The following NKTR variants were observed in gnomAD, a reference collection of about 807,000 sequenced individuals.
NKTR encodes natural killer cell triggering receptor.
In NKTR, 67 loss-of-function variants were observed where a neutral mutation model predicts 156.3. That is an observed-to-expected ratio of 0.43 (90% CI 0.35 to 0.53). The LOEUF is 0.53. NKTR is among the 20% of genes least tolerant of loss of function. The pLI is 0.01. For synonymous variants in NKTR, 640 were observed against 596.6 expected, an observed-to-expected ratio of 1.07 and a Z score of -1.06; for missense variants, 1,604 against 1,730.9, an observed-to-expected ratio of 0.93 and a Z score of 1.30.
chr3:42,608,883 T>C (rs1387721923), intron 2 of NKTR, among the ~76,000 whole-genome samples: 2 of 152,126 alleles, frequency 1.3e-5, no homozygotes, highest in African/African-American at 2.4e-5. Flanking sequence ...CCCAGCACTT[T>C]GGGAGGCCGA....
chr3:42,642,497 G>A lies in NKTR; in HGVS notation c.4047-4G>A, dbSNP rs1226936960. 1 of 1,606,028 alleles carries A rather than the reference G, an allele frequency of 6.2e-7. No homozygotes were observed. The highest frequency in any genetic ancestry group is 2.2e-5 in the East Asian group (1 of 44,830). ...ATATATTTTTTCAATTGCTTTAATT[G>A]TAGATCAAGAAGCTACTCTAGAAGT... On this transcript the variant is annotated splice_polypyrimidine_tract_variant and splice_region_variant and intron_variant, in intron 13 of 16. Transcript: ENST00000232978.
chr3:42,628,102 C>T (rs970677766), intron 6 of NKTR: 16 of 985,218 alleles, frequency 1.6e-5, no homozygotes, highest in Non-Finnish European at 1.9e-5. Flanking sequence ...GTTGAGAACC[C>T]CAGAGGGCTT....
In NKTR at chr3:42,638,924, A is replaced by G. The variant is rs756469396; in HGVS notation, c.3220A>G (p.Thr1074Ala). The change falls in exon 13 of 17, where the codon ACT becomes GCT. Residue 1074 changes from threonine to alanine, a missense_variant. By Grantham distance (58) the Thr-to-Ala change is moderately conservative. Coordinates refer to ENST00000232978, the MANE Select transcript of NKTR (RefSeq NM_005385.4). ...EDLSGKHDTV[T>A]VSSDLDQFTK... ...CCTTTCAGGTAAACATGATACAGTG[A>G]CTGTTTCATCAGATCTTGATCAGTT... 1.2e-6 allele frequency: 2 copies of G among 1,612,776 alleles called. No homozygotes were observed. The highest frequency in any genetic ancestry group is 2.2e-5 in the East Asian group (1 of 44,870).
intron 2 of NKTR, 149 bp from the exon 3 acceptor site, chr3:42,617,421 C>T (rs1000294934): frequency 1.3e-5 from 7 of 551,360 alleles, no homozygotes; most frequent in African/African-American, 9.6e-5. Flanking sequence ...AGGTATCACC[C>T]AGTTAAATGC....
At chr3:42,601,242 A>G (rs1178110236) in intron 2 of NKTR, 178 bp downstream of exon 2, 3 of 483,264 alleles carry the variant, frequency 6.2e-6, no homozygotes, top group African/African-American at 4.1e-5. Context: ...GCACACCCCT[A>G]ACTCGCAGTC....
chr3:42,633,335 C>A, intron 9 of NKTR: 5 of 1,253,894 alleles, frequency 4.0e-6, no homozygotes, highest in Non-Finnish European at 5.0e-6. Context: ...AGCCACAATG[C>A]CTGGCCTCCT....
intron 13 of NKTR, among the ~76,000 whole-genome samples, chr3:42,641,694 A>G (rs1046499150): frequency 6.6e-6 from 1 of 152,266 alleles, no homozygotes; most frequent in East Asian, 1.9e-4. Context: ...CCTAACCAAC[A>G]TGGTGAAACC....
intron 11 of NKTR, 139 bp from the exon 12 acceptor site, chr3:42,635,076 AAAGAAC>A: frequency 2.1e-6 from 1 of 475,826 alleles, no homozygotes; most frequent in Non-Finnish European, 3.5e-6. Context: ...AAAAAAAAAA[AAAGAAC>A]TTTAGACCAT....
rs752284735 is a variant in NKTR at position 42,637,002 on chromosome 3, A to C, written c.1298A>C (p.Glu433Ala). ...GGCCACCATAAAAAACGCAGAAAAGAAAAAAAGGTTAAGCATAAAAAGAAA... is the reference window on the plus strand; with the variant it reads ...GGCCACCATAAAAAACGCAGAAAAGCAAAAAAGGTTAAGCATAAAAAGAAA... ...HSGHHKKRRKEKKVKHKKKGK... is the reference protein window; with the variant it reads ...HSGHHKKRRKAKKVKHKKKGK... The change falls in exon 13 of 17, where the codon GAA (glutamate) becomes GCA (alanine). Residue 433 changes from glutamate (E) to alanine (A), a missense_variant. Physicochemically the swap from Glu to Ala is moderately radical, Grantham distance 107 (BLOSUM62 -1). Transcript: ENST00000232978. The C allele has an allele frequency of 1.3e-5, 21 of 1,612,660 alleles. No individual in the cohort carries two copies. The East Asian group carries it at 4.2e-4, about 33-fold the overall frequency.
At chr3:42,645,608 C>T (rs747596200) in intron 16 of NKTR, among the ~76,000 whole-genome samples, 14 of 152,118 alleles carry the variant, frequency 9.2e-5, no homozygotes, top group Non-Finnish European at 1.8e-4. Flanking sequence ...CACTTGAACC[C>T]GGGAGGTGGA....
intron 9 of NKTR, chr3:42,633,224 G>C (rs1408103707): frequency 2.1e-6 from 1 of 487,758 alleles, no homozygotes; most frequent in Admixed American, 5.2e-5. Context: ...ATTTTTTGTA[G>C]AGACAGGGTC....
chr3:42,644,299 C>G (rs1372656691), intron 16 of NKTR, among the ~76,000 whole-genome samples: 2 of 152,120 alleles, frequency 1.3e-5, no homozygotes, highest in Non-Finnish European at 2.9e-5. Flanking sequence ...CCACCCAAAC[C>G]ATGGCCACTT....
intron 9 of NKTR, chr3:42,633,335 C>T: frequency 8.0e-7 from 1 of 1,253,892 alleles, no homozygotes; most frequent in Non-Finnish European, 1.0e-6. Flanking sequence ...AGCCACAATG[C>T]CTGGCCTCCT....
intron 6 of NKTR, chr3:42,627,249 G>GCT (rs1295965139): frequency 1.1e-5 from 11 of 984,024 alleles, no homozygotes; most frequent in East Asian, 2.3e-4. Context: ...TTACTCTAAG[G>GCT]CTCTCTCTCT....
At chr3:42,614,842 T>G (rs1707189041) in intron 2 of NKTR, among the ~76,000 whole-genome samples, 1 of 152,138 alleles carries the variant, frequency 6.6e-6, no homozygotes, top group African/African-American at 2.4e-5. Flanking sequence ...GGTTAATGTG[T>G]TTTTTTCAGG....
intron 5 of NKTR, chr3:42,620,382 A>G (rs1707802022): frequency 2.9e-6 from 3 of 1,037,488 alleles, no homozygotes; most frequent in East Asian, 7.6e-5. Flanking sequence ...TAATAGTAGC[A>G]TCTGCATAAA....
chr3:42,643,696 A>G, intron 15 of NKTR: 1 of 684,096 alleles, frequency 1.5e-6, no homozygotes, highest in South Asian at 1.6e-5. Context: ...TGCAGAAAAG[A>G]AATTAACATT....
intron 16 of NKTR, among the ~76,000 whole-genome samples, chr3:42,645,567 G>T (rs1461246047): frequency 6.6e-6 from 1 of 152,024 alleles, no homozygotes; most frequent in African/African-American, 2.4e-5. Context: ...ACCTGTAATT[G>T]CAGCTACTAG....
chr3:42,635,311 C>T lies in NKTR; in HGVS notation c.1108C>T (p.Gln370Ter). The T allele has an allele frequency of 6.2e-7, 1 of 1,613,294 alleles. No homozygotes were observed. Among genetic ancestry groups the T allele is most frequent in the Non-Finnish European group, 8.5e-7 (1 of 1,179,450 alleles). ...TCCTCCTCACTGGAAAGAGGAAATG[C>T]AGAGATTAAGAGCATATAGACCACC... Reference protein sequence around the residue: ...ETPPHWKEEMQRLRAYRPPSG... With the variant: ...ETPPHWKEEM Residue 370 changes from glutamine to a stop codon, truncating the protein, a stop_gained, in exon 12 of 17, where the codon CAG (glutamine) becomes TAG (stop). Transcript: ENST00000232978. LOFTEE classifies it high-confidence loss of function.
Sources: gnomAD v4.1 joint callset for allele counts (sites outside exome capture counted in the v4.1 genomes callset) on GRCh38, gnomAD v4.1.1 for gene constraint, MANE v1.5 for transcripts, NCBI Gene and HGNC (gene_info 2026-07-23, HGNC 2026-07-21) for gene names.